MPP2: variants seen among roughly 807,000 people sequenced by gnomAD.
MPP2 encodes the protein MAGUK p55 subfamily member 2.
MPP2 carries 42 observed loss-of-function variants against 58.5 expected under a neutral mutation model. The observed-to-expected ratio is 0.72, with a 90% confidence interval of 0.56 to 0.93. MPP2 has a LOEUF of 0.93. Ranked by LOEUF, MPP2 falls within the 40% of genes least tolerant of loss-of-function variation. The pLI is 0.00. For synonymous variants in MPP2, 300 were observed against 307.8 expected (o/e 0.97, Z 0.26); for missense variants, 632 against 760.4 (o/e 0.83, Z 1.99).
chr17:43,896,626 C>T (rs967144250), intron 3 of MPP2, among the ~76,000 whole-genome samples: 2 of 152,090 alleles, frequency 1.3e-5, no homozygotes, highest in Non-Finnish European at 2.9e-5. Context: ...CCCAGGCCAG[C>T]ACGTGCCCTG....
intron 3 of MPP2, 32 bp downstream of exon 3, chr17:43,898,230 G>T: frequency 1.3e-6 from 2 of 1,541,900 alleles, no homozygotes; most frequent in Non-Finnish European, 1.8e-6. Flanking sequence ...CAAGCACAGT[G>T]CCCTTGTGCC....
chr17:43,890,868 G>C (rs533366852), intron 3 of MPP2, among the ~76,000 whole-genome samples: 48 of 152,290 alleles, frequency 3.2e-4, no homozygotes, highest in African/African-American at 1.1e-3. Context: ...TAAGACACCA[G>C]ACATGTGAGT....
chr17:43,894,616 GAAAAAAAAAAA>G (rs36073194), intron 3 of MPP2, among the ~76,000 whole-genome samples: 1 of 66,086 alleles, frequency 1.5e-5, no homozygotes, highest in Admixed American at 2.3e-4. Context: ...GACTCCAGAG[GAAAAAAAAAAA>G]AAAAAAAAAA....
Position 43,880,515 on chromosome 17 carries a change from C to T in MPP2, c.1150+176G>A, listed in dbSNP as rs1392683601. Among the ~76,000 whole-genome samples the T allele has an allele frequency of 6.6e-6, 1 of 152,232 alleles. No homozygotes were observed. Among genetic ancestry groups the T allele is most frequent in the Non-Finnish European group, 1.5e-5 (1 of 68,034 alleles). On this transcript the variant is annotated intron_variant, in intron 10 of 12. Coordinates refer to ENST00000269095, the MANE Select transcript of MPP2 (RefSeq NM_005374.5). This position sits in a 1 kb window ranked among gnomAD's most constrained non-coding sequence, Gnocchi z 5.2. ...CTGTTGGCTGGACACCTCCCTCACC[C>T]TTCCTGAGCCTGAAGTTCCCCTAAC...
At chr17:43,883,420 G>C (rs1309176341) in intron 3 of MPP2, 65 bp from the exon 4 acceptor site, 7 of 1,545,190 alleles carry the variant, frequency 4.5e-6, no homozygotes, top group Non-Finnish European at 6.1e-6. Flanking sequence ...CACCAAGCAG[G>C]GTCCTCCCTC....
chr17:43,898,322 C>T lies in MPP2; in HGVS notation c.90G>A (p.Glu30=), dbSNP rs2047937153. The stretch of plus-strand genomic sequence containing the variant: ...TGCCTCGAAGGAAGATCAGGTCCAG[C>T]TCTGCAGCCCCCGTGGCACTGGGGA... ...GSLPSATGAA[E]LDLIFLRGIM... Residue 30 remains glutamate, a synonymous_variant, in exon 3 of 13, where the codon GAG becomes GAA. Coordinates refer to ENST00000269095, the MANE Select transcript of MPP2 (RefSeq NM_005374.5). 1.2e-6 allele frequency: 2 copies of T among 1,614,238 alleles called. No homozygotes were observed. Among genetic ancestry groups the T allele is most frequent in the Non-Finnish European group, 1.7e-6 (2 of 1,180,036 alleles).
intron 2 of MPP2, chr17:43,901,477 A>C: frequency 1.0e-6 from 1 of 985,470 alleles, no homozygotes; most frequent in South Asian, 4.7e-5. Flanking sequence ...CGGTGACCCC[A>C]TTCCTCTGAG....
chr17:43,895,315 T>C (rs1282999584), intron 3 of MPP2, among the ~76,000 whole-genome samples: 1 of 152,158 alleles, frequency 6.6e-6, no homozygotes, highest in Non-Finnish European at 1.5e-5. Context: ...TTTCACCATG[T>C]TGATCAGGCT....
chr17:43,887,636 C>T (rs2047427089), intron 3 of MPP2, among the ~76,000 whole-genome samples: 1 of 151,894 alleles, frequency 6.6e-6, no homozygotes, highest in South Asian at 2.1e-4. Flanking sequence ...CCAGATGTTC[C>T]AATACCATTT....
Position 43,879,523 on chromosome 17 carries a change from C to T in MPP2, c.1354-120G>A. The T allele has an allele frequency of 7.6e-7, 1 of 1,311,686 alleles. No homozygotes were observed. The allele number at this position is 1,311,686 out of a possible 1,614,324, so 81.3% of individuals were successfully genotyped here. A position where few individuals can be genotyped will look rare whatever the true frequency, so the allele number is the denominator to read the frequency against. On this transcript the variant is annotated intron_variant, in intron 11 of 12. Transcript: ENST00000269095. This position sits in a 1 kb window ranked among gnomAD's most constrained non-coding sequence, Gnocchi z 4.1. Reference sequence around the variant, plus strand: ...CTTGGGAGTGGATGAGAAAAGGGTGCCCGGGGGTCTGGGACATGAGTCCTG... The same window carrying T: ...CTTGGGAGTGGATGAGAAAAGGGTGTCCGGGGGTCTGGGACATGAGTCCTG...
At chr17:43,906,699 C>A (rs2048302223) in intron 1 of MPP2, among the ~76,000 whole-genome samples, 1 of 152,116 alleles carries the variant, frequency 6.6e-6, no homozygotes, top group Non-Finnish European at 1.5e-5. Flanking sequence ...CACCCCTGCC[C>A]CAACGGACCC....
At chr17:43,891,831 A>T (rs1039982143) in intron 3 of MPP2, among the ~76,000 whole-genome samples, 3 of 152,242 alleles carry the variant, frequency 2.0e-5, no homozygotes, top group Non-Finnish European at 4.4e-5. Context: ...AAACTCACAA[A>T]GCTGGTCAGT....
chr17:43,882,925 C>T lies in MPP2; in HGVS notation c.431G>A (p.Arg144His), dbSNP rs1347496614. The change falls in exon 5 of 13, where the codon CGC becomes CAC. Residue 144 changes from arginine (R) to histidine (H), a missense_variant. By Grantham distance (29) the Arg-to-His change is conservative (BLOSUM62 0). Transcript: ENST00000269095. ...CACCAGATGTTCTCCGGCTGTCTTGCGGATGCCCACCATGCGCACAGCATC... is the reference window on the plus strand; with the variant it reads ...CACCAGATGTTCTCCGGCTGTCTTGTGGATGCCCACCATGCGCACAGCATC... ...PPDAVRMVGI[R>H]KTAGEHLGVT... The T allele has an allele frequency of 3.1e-6, 5 of 1,614,014 alleles. No individual in the cohort carries two copies. The highest frequency in any genetic ancestry group is 3.3e-5 in the Admixed American group (2 of 60,004).
At chr17:43,897,067 T>C (rs1305213110) in intron 3 of MPP2, among the ~76,000 whole-genome samples, 2 of 152,222 alleles carry the variant, frequency 1.3e-5, no homozygotes, top group Non-Finnish European at 2.9e-5. Context: ...GCTCTCAGCA[T>C]CTTATACTCA....
At chr17:43,878,936 TCACCTGGCC>T (rs1340807470) in intron 12 of MPP2, among the ~76,000 whole-genome samples, 3 of 151,978 alleles carry the variant, frequency 2.0e-5, no homozygotes, top group Non-Finnish European at 4.4e-5. Flanking sequence ...CAACCCAAGC[TCACCTGGCC>T]CACCTCCAGC....
chr17:43,887,146 A>G (rs2047403541), intron 3 of MPP2, among the ~76,000 whole-genome samples: 1 of 152,046 alleles, frequency 6.6e-6, no homozygotes, highest in South Asian at 2.1e-4. Context: ...TGAGCCCAGG[A>G]GCTCAAGACC....
rs972282727 is a variant in MPP2 at position 43,876,115 on chromosome 17, TATGCAA to T, written c.*1686_*1691del. The T allele has an allele frequency of 1.3e-5, 2 of 152,636 alleles. No individual in the cohort carries two copies. The highest frequency in any genetic ancestry group is 1.9e-4 in the East Asian group (1 of 5,200). 9.5% of individuals were successfully genotyped at this position (152,636 alleles called of 1,614,324 possible). A position where few individuals can be genotyped will look rare whatever the true frequency, so the allele number is the denominator to read the frequency against. On this transcript the variant is annotated 3_prime_UTR_variant, in exon 13 of 13. Coordinates refer to ENST00000269095, the MANE Select transcript of MPP2 (RefSeq NM_005374.5). Reference sequence around the variant, plus strand: ...GCCTTTCCACCCCATGTGTATAGTCTATGCAAATGCAAATGAGATTCCTAGTATAAG... The same window carrying T: ...GCCTTTCCACCCCATGTGTATAGTCTATGCAAATGAGATTCCTAGTATAAG...
intron 2 of MPP2, chr17:43,901,478 T>A: frequency 1.0e-6 from 1 of 985,464 alleles, no homozygotes; most frequent in African/African-American, 1.7e-5. Context: ...GGTGACCCCA[T>A]TCCTCTGAGA....
chr17:43,891,530 T>G (rs1289080491), intron 3 of MPP2, among the ~76,000 whole-genome samples: 2 of 149,580 alleles, frequency 1.3e-5, no homozygotes, highest in African/African-American at 4.9e-5. Flanking sequence ...AAAAAAAAAC[T>G]TACACTTCCA....
Sources: gnomAD v4.1 joint callset for allele counts (sites outside exome capture counted in the v4.1 genomes callset) on GRCh38, gnomAD v4.1.1 for gene constraint, Gnocchi (gnomAD v3.1) non-coding constraint, MANE v1.5 for transcripts, NCBI Gene and HGNC (gene_info 2026-07-23, HGNC 2026-07-21) for gene names.